Variants in SPAG17 observed in about 807,000 individuals in gnomAD.
SPAG17 encodes the protein sperm associated antigen 17, also known as sperm-associated antigen 17.
Under a neutral mutation model 273.6 loss-of-function variants are expected in SPAG17, and 169 were observed. That is an observed-to-expected ratio of 0.62 (90% CI 0.55 to 0.70). The LOEUF (loss-of-function observed/expected upper bound fraction) is 0.70. Among genes scored for constraint, SPAG17 ranks in the 30% least tolerant of loss-of-function variants. SPAG17 has a pLI of 0.00. For missense variants in SPAG17, 2,557 were observed against 2,627.8 expected (o/e 0.97, Z 0.59); for synonymous variants, 825 against 873.2 (o/e 0.94, Z 0.97).
At chr1:117,973,260 G>A (rs1478698030) in intron 44 of SPAG17, among the ~76,000 whole-genome samples, 165 bp downstream of exon 44, 1 of 152,078 alleles carries the variant, frequency 6.6e-6, no homozygotes. Context: ...ATGGTGAGAT[G>A]GTAGATACGG....
At chr1:118,100,036 C>T (rs778835979) in intron 5 of SPAG17, among the ~76,000 whole-genome samples, 1 of 152,126 alleles carries the variant, frequency 6.6e-6, no homozygotes. Flanking sequence ...GCGACATAGG[C>T]GTAATAGAAG....
chr1:118,132,717 G>T (rs1473703608), intron 3 of SPAG17, among the ~76,000 whole-genome samples: 1 of 151,694 alleles, frequency 6.6e-6, no homozygotes, highest in Admixed American at 6.6e-5. Context: ...TGGGCATGCA[G>T]GCAGTGCCAT....
At chr1:117,966,512 A>G in intron 47 of SPAG17, 97 bp downstream of exon 47, 8 of 1,159,572 alleles carry the variant, frequency 6.9e-6, no homozygotes, top group Non-Finnish European at 9.4e-6. Flanking sequence ...TGAAGATAGA[A>G]TTAATAAAGT....
At chr1:118,097,452 T>G (rs1051237144) in intron 7 of SPAG17, among the ~76,000 whole-genome samples, 24 of 152,324 alleles carry the variant, frequency 1.6e-4, no homozygotes, top group African/African-American at 5.3e-4. Context: ...ATCTACTACA[T>G]CTTATTATTT....
chr1:118,083,053 G>A (rs1654710970), intron 13 of SPAG17, among the ~76,000 whole-genome samples: 1 of 152,140 alleles, frequency 6.6e-6, no homozygotes, highest in Non-Finnish European at 1.5e-5. Context: ...CCAGGCTGGA[G>A]TGCAGGTGAT....
Position 118,050,916 on chromosome 1 carries a change from T to C in SPAG17, c.2814+3086A>G, listed in dbSNP as rs1360614778. Among the ~76,000 whole-genome samples, 79 of 152,032 alleles carry C rather than the reference T, an allele frequency of 5.2e-4. 1 individual carries two copies. Among genetic ancestry groups the C allele is most frequent in the African/African-American group, 1.8e-3 (74 of 41,370 alleles). Reference sequence around the variant, plus strand: ...ATGGCATCACGTTAGACTAAAACCTTCTGCACAACAAAGAAAACAATCAAC... The same window carrying C: ...ATGGCATCACGTTAGACTAAAACCTCCTGCACAACAAAGAAAACAATCAAC... On this transcript the variant is annotated intron_variant, in intron 20 of 48. Coordinates refer to ENST00000336338, the MANE Select transcript of SPAG17 (RefSeq NM_206996.4).
intron 30 of SPAG17, among the ~76,000 whole-genome samples, chr1:118,010,095 G>C (rs770418264): frequency 6.6e-6 from 1 of 152,042 alleles, no homozygotes; most frequent in African/African-American, 2.4e-5. Flanking sequence ...TGAGGAATTG[G>C]GGAGATGTTG....
At chr1:118,092,896 C>T (rs772113566) in intron 8 of SPAG17, among the ~76,000 whole-genome samples, 1 of 152,188 alleles carries the variant, frequency 6.6e-6, no homozygotes, top group Non-Finnish European at 1.5e-5. Flanking sequence ...ACTGCAATTA[C>T]TTTGTCAATA....
intron 20 of SPAG17, among the ~76,000 whole-genome samples, chr1:118,052,554 T>A (rs1222336405): frequency 1.3e-5 from 2 of 152,062 alleles, no homozygotes; most frequent in Non-Finnish European, 2.9e-5. Context: ...TAAGTATTCT[T>A]ACCACATAAA....
chr1:118,064,654 T>C (rs1652761785), intron 18 of SPAG17, among the ~76,000 whole-genome samples: 1 of 149,190 alleles, frequency 6.7e-6, no homozygotes, highest in Admixed American at 6.7e-5. Context: ...AGTTAATGGG[T>C]GCAGCACACC....
chr1:118,073,808 C>T (rs1653837336), intron 17 of SPAG17, 46 bp downstream of exon 17: 1 of 1,343,468 alleles, frequency 7.4e-7, no homozygotes, highest in South Asian at 1.3e-5. Context: ...AGCAGACTCT[C>T]CAGACCTATC....
rs758257904 is a variant in SPAG17 at position 118,074,620 on chromosome 1, A to G, written c.2210-20T>C. On this transcript the variant is annotated intron_variant, in intron 15 of 48. Transcript: ENST00000336338. ...TCTGCTCTGCAAATCAAAGACACCA[A>G]CATCCAGTTGTGTTCTGGCTTTGTT... 1.2e-6 allele frequency: 2 copies of G among 1,610,008 alleles called. No homozygotes were observed. The highest frequency in any genetic ancestry group is 1.7e-5 in the Admixed American group (1 of 59,952).
intron 26 of SPAG17, 143 bp downstream of exon 26, chr1:118,028,131 T>C: frequency 1.8e-5 from 17 of 929,906 alleles, no homozygotes; most frequent in Non-Finnish European, 2.6e-5. Flanking sequence ...TGCCTGGCCA[T>C]AGTAAATGCT....
At chr1:118,092,134 C>A in intron 8 of SPAG17, 132 bp from the exon 9 acceptor site, 1 of 743,558 alleles carries the variant, frequency 1.3e-6, no homozygotes, top group South Asian at 1.7e-5. Context: ...AAATCATCTG[C>A]TAATATTAGA....
At chr1:118,169,012 C>A (rs1018726988) in intron 1 of SPAG17, among the ~76,000 whole-genome samples, 1 of 152,208 alleles carries the variant, frequency 6.6e-6, no homozygotes, top group Non-Finnish European at 1.5e-5. Context: ...CCTGTGGGAA[C>A]TGGGAGCTAC....
At chr1:118,126,873 G>A (rs1362492213) in intron 3 of SPAG17, among the ~76,000 whole-genome samples, 1 of 150,924 alleles carries the variant, frequency 6.6e-6, no homozygotes, top group African/African-American at 2.4e-5. Context: ...TGTATGGTGA[G>A]AGAAAGAGGT....
chr1:118,061,121 AG>A (rs1348334175), intron 18 of SPAG17, among the ~76,000 whole-genome samples: 1 of 152,226 alleles, frequency 6.6e-6, no homozygotes, highest in Non-Finnish European at 1.5e-5. Context: ...AGAAAGGTGC[AG>A]CCACTATGGA....
chr1:117,953,765 C>G lies in SPAG17; in HGVS notation c.*285G>C, dbSNP rs2101229106. On this transcript the variant is annotated 3_prime_UTR_variant, in exon 49 of 49. Coordinates refer to ENST00000336338, the MANE Select transcript of SPAG17 (RefSeq NM_206996.4). ...CTTTCAGGTGTTCCTGGGACCTGCC[C>G]TATTCAGAGTGTCTAGATATCATCC... is the stretch of plus-strand genomic sequence containing the variant. 1 of 609,300 alleles carries G rather than the reference C, an allele frequency of 1.6e-6. No individual in the cohort carries two copies. Among genetic ancestry groups the G allele is most frequent in the South Asian group, 2.1e-5 (1 of 48,044 alleles). 37.7% of individuals were successfully genotyped at this position (609,300 alleles called of 1,614,324 possible). A position where few individuals can be genotyped will look rare whatever the true frequency, so the allele number is the denominator to read the frequency against.
intron 20 of SPAG17, among the ~76,000 whole-genome samples, chr1:118,051,928 T>C (rs1327790230): frequency 7.5e-6 from 1 of 134,116 alleles, no homozygotes; most frequent in Admixed American, 7.6e-5. Flanking sequence ...TAAACTATTA[T>C]AATATATATA....
Sources: gnomAD v4.1 joint callset for allele counts (sites outside exome capture counted in the v4.1 genomes callset) on GRCh38, gnomAD v4.1.1 for gene constraint, MANE v1.5 for transcripts, NCBI Gene and HGNC (gene_info 2026-07-23, HGNC 2026-07-21) for gene names.